The following DOCK9 variants were observed in gnomAD, a reference collection of about 807,000 sequenced individuals.
DOCK9 encodes dedicator of cytokinesis 9.
Under a neutral mutation model 263.3 loss-of-function variants are expected in DOCK9, and 89 were observed. That is an observed-to-expected ratio of 0.34 (90% CI 0.28 to 0.40). The LOEUF (loss-of-function observed/expected upper bound fraction) is 0.40. Ranked by LOEUF, DOCK9 falls within the 10% of genes least tolerant of loss-of-function variation. The pLI, the probability that DOCK9 is intolerant of heterozygous loss-of-function variation, is 1.00. For synonymous variants in DOCK9, 976 were observed against 973.1 expected, an observed-to-expected ratio of 1.00 and a Z score of -0.06; for missense variants, 2,140 against 2,603.4, an observed-to-expected ratio of 0.82 and a Z score of 3.87.
chr13:98,812,297 C>T (rs1197605551), intron 45 of DOCK9, among the ~76,000 whole-genome samples: 2 of 150,422 alleles, frequency 1.3e-5, no homozygotes, highest in Non-Finnish European at 3.0e-5. Flanking sequence ...GGAGAAAATG[C>T]GCCTCTTGCT....
At chr13:98,895,296 T>C (rs2047242185) in intron 15 of DOCK9, among the ~76,000 whole-genome samples, 1 of 152,062 alleles carries the variant, frequency 6.6e-6, no homozygotes, top group Non-Finnish European at 1.5e-5. Context: ...TGCAGGGAAA[T>C]ATTACATATT....
intron 1 of DOCK9, among the ~76,000 whole-genome samples, chr13:99,047,789 C>G (rs2040506113): frequency 6.6e-6 from 1 of 152,112 alleles, no homozygotes; most frequent in South Asian, 2.1e-4. Context: ...TCCCAAAGTG[C>G]TGGGATTACA....
At chr13:98,878,557 A>T (rs1045528277) in intron 27 of DOCK9, among the ~76,000 whole-genome samples, 1 of 152,208 alleles carries the variant, frequency 6.6e-6, no homozygotes, top group Non-Finnish European at 1.5e-5. Flanking sequence ...GTGCATGTGC[A>T]CGCACACTTA....
At chr13:98,981,623 G>A (rs1877229753), upstream of DOCK9, among the ~76,000 whole-genome samples, 1 of 152,192 alleles carries the variant, frequency 6.6e-6, no homozygotes, top group African/African-American at 2.4e-5. Flanking sequence ...GTGGAGGAGA[G>A]AAGAAACTGC....
At chr13:98,854,302 T>G (rs1007115351) in intron 34 of DOCK9, among the ~76,000 whole-genome samples, 1 of 151,934 alleles carries the variant, frequency 6.6e-6, no homozygotes, top group African/African-American at 2.4e-5. Flanking sequence ...GAATTTCCAA[T>G]TGAAATAAAA....
At position 98,855,691 on chromosome 13, in the gene DOCK9, A is replaced by G. The variant is rs550575791; in HGVS notation, c.3831+207T>C. Among the ~76,000 whole-genome samples the G allele has an allele frequency of 3.3e-5, 5 of 152,318 alleles. No homozygotes were observed. The South Asian group carries it at 1.0e-3, about 32-fold the overall frequency. ...AGACGCTCCACTGCAAACCCTGCCC[A>G]GGATCTGAGGTACTGGAAACAGGAA... On this transcript the variant is annotated intron_variant, in intron 34 of 52. Coordinates refer to ENST00000682017, the MANE Select transcript of DOCK9 (RefSeq NM_001366683.2).
intron 31 of DOCK9, 38 bp from the exon 32 acceptor site, chr13:98,863,170 T>A: frequency 6.4e-7 from 1 of 1,564,754 alleles, no homozygotes. Flanking sequence ...TGACCCAGGA[T>A]TCTGAGAACC....
intron 1 of DOCK9, among the ~76,000 whole-genome samples, chr13:99,004,190 C>T (rs1046814299): frequency 1.3e-5 from 2 of 152,160 alleles, no homozygotes; most frequent in African/African-American, 4.8e-5. Context: ...GGCCCATATC[C>T]CACGTGGCAG....
At chr13:99,066,828 C>T (rs2041440810) in intron 1 of DOCK9, among the ~76,000 whole-genome samples, 1 of 152,170 alleles carries the variant, frequency 6.6e-6, no homozygotes. Context: ...CCTTGGAGTC[C>T]TGACCCACAA....
At chr13:98,929,049 A>G (rs1595404938) in intron 3 of DOCK9, among the ~76,000 whole-genome samples, 2 of 152,110 alleles carry the variant, frequency 1.3e-5, no homozygotes, top group Non-Finnish European at 2.9e-5. Flanking sequence ...ATAGTAAGCA[A>G]TTTTATTGAT....
chr13:98,983,100 G>T (rs1364049258), intron 1 of DOCK9, among the ~76,000 whole-genome samples: 1 of 152,046 alleles, frequency 6.6e-6, no homozygotes, highest in Non-Finnish European at 1.5e-5. Context: ...ATATCAGAAG[G>T]ATACTTATAA....
chr13:98,907,835 CCA>C (rs1457143367), intron 9 of DOCK9, among the ~76,000 whole-genome samples: 2 of 152,048 alleles, frequency 1.3e-5, no homozygotes, highest in Non-Finnish European at 2.9e-5. Flanking sequence ...GGACTTTGCC[CCA>C]GAGTCAGGAA....
chr13:98,872,222 C>T lies in DOCK9; in HGVS notation c.2944-3845G>A, dbSNP rs1024378520. 2.0e-5 allele frequency among the ~76,000 whole-genome samples: 3 copies of T among 152,256 alleles called. No homozygotes were observed. The East Asian group carries it at 5.8e-4, about 29-fold the overall frequency. On this transcript the variant is annotated intron_variant, in intron 27 of 52. Transcript: ENST00000682017. ...TATGGGCTATTTTACTGCTTTCCGA[C>T]GTAAATAAGACTTTTAATTAAGAAA...
intron 1 of DOCK9, among the ~76,000 whole-genome samples, chr13:99,079,328 G>A (rs1385380819): frequency 7.2e-6 from 1 of 138,344 alleles, no homozygotes; most frequent in Non-Finnish European, 1.6e-5. Context: ...GGAGCTCAGG[G>A]TGTGAAGTTA....
intron 1 of DOCK9, among the ~76,000 whole-genome samples, chr13:99,049,570 T>A (rs533155118): frequency 6.6e-6 from 1 of 152,130 alleles, no homozygotes; most frequent in African/African-American, 2.4e-5. Flanking sequence ...CAGGCTGGAG[T>A]GCAAAAGCAC....
chr13:98,883,414 A>C (rs751179843), intron 22 of DOCK9, among the ~76,000 whole-genome samples: 3 of 152,040 alleles, frequency 2.0e-5, no homozygotes, highest in Non-Finnish European at 4.4e-5. Context: ...TGCCTGGATA[A>C]TTTTTGTATT....
intron 52 of DOCK9, among the ~76,000 whole-genome samples, chr13:98,795,752 AT>A (rs2089296761): frequency 8.3e-6 from 1 of 120,946 alleles, no homozygotes; most frequent in Admixed American, 9.4e-5. Context: ...AATCGTTTCA[AT>A]TTTTTTCTAC....
chr13:98,939,512 G>A (rs559959318), intron 2 of DOCK9, among the ~76,000 whole-genome samples: 4 of 152,270 alleles, frequency 2.6e-5, no homozygotes, highest in South Asian at 2.1e-4. Flanking sequence ...TCAAACACCT[G>A]AGGACCTTAT....
At chr13:99,038,287 CCTTTTTTTTTTTTT>C (rs1888108785) in intron 1 of DOCK9, among the ~76,000 whole-genome samples, 1 of 48,834 alleles carries the variant, frequency 2.0e-5, no homozygotes, top group African/African-American at 7.6e-5. Flanking sequence ...TTTATGCCCC[CCTTTTTTTTTTTTT>C]TTTTTTTTTT....
Sources: allele counts gnomAD v4.1 joint callset (sites outside exome capture counted in the v4.1 genomes callset), GRCh38; gene constraint gnomAD v4.1.1; transcripts MANE v1.5; gene names NCBI Gene and HGNC (gene_info 2026-07-23, HGNC 2026-07-21).